Variants in CDK7 observed in about 807,000 individuals in gnomAD.
CDK7 encodes the protein cyclin-dependent kinase 7.
Under a neutral mutation model 49.1 loss-of-function variants are expected in CDK7, and 25 were observed. That is an observed-to-expected ratio of 0.51 (90% CI 0.37 to 0.71). The LOEUF (loss-of-function observed/expected upper bound fraction) is 0.71, where lower values mean the gene tolerates loss of function less well. Ranked by LOEUF, CDK7 falls within the 30% of genes least tolerant of loss-of-function variation. CDK7 has a pLI of 0.00. For synonymous variants in CDK7, 107 were observed against 140.0 expected, an observed-to-expected ratio of 0.76 and a Z score of 1.67; for missense variants, 316 against 411.7, an observed-to-expected ratio of 0.77 and a Z score of 2.01.
intron 6 of CDK7, among the ~76,000 whole-genome samples, chr5:69,258,432 T>A (rs1053684184): frequency 5.5e-5 from 8 of 144,894 alleles, no homozygotes; most frequent in African/African-American, 2.1e-4. Context: ...CAGGCTGGAG[T>A]GCAGTGGCGC....
chr5:69,255,404 T>A, intron 4 of CDK7, 56 bp from the exon 5 acceptor site: 2 of 990,454 alleles, frequency 2.0e-6, no homozygotes, highest in Non-Finnish European at 3.0e-6. Flanking sequence ...CCTCAGTTGC[T>A]ATGATACTGT....
At chr5:69,267,919 A>C (rs144194643) in intron 8 of CDK7, among the ~76,000 whole-genome samples, 17 of 152,316 alleles carry the variant, frequency 1.1e-4, no homozygotes, top group African/African-American at 3.6e-4. Flanking sequence ...GAAAATTAGC[A>C]TGTCTAAAAA....
At chr5:69,235,619 C>CTT in intron 2 of CDK7, 166 bp downstream of exon 2, 1 of 629,298 alleles carries the variant, frequency 1.6e-6, no homozygotes, top group East Asian at 2.8e-5. Flanking sequence ...AAACGGAACT[C>CTT]TAGGGTTGAA....
chr5:69,255,826 C>CTT (rs200870478), intron 5 of CDK7: 1,160 of 254,736 alleles, frequency 4.6e-3, no homozygotes, highest in South Asian at 0.014. Flanking sequence ...GATTTGTTTG[C>CTT]TTTTTTTTTT....
At chr5:69,261,448 T>G (rs72767861) in intron 7 of CDK7, among the ~76,000 whole-genome samples, 23,174 of 151,468 alleles carry the variant, frequency 0.15, 1,915 homozygotes, top group African/African-American at 0.21. Context: ...AAGAGCAGTT[T>G]TGATGGAATG....
intron 8 of CDK7, among the ~76,000 whole-genome samples, chr5:69,266,944 AG>A (rs1751195231): frequency 1.3e-5 from 2 of 152,132 alleles, no homozygotes; most frequent in African/African-American, 2.4e-5. Flanking sequence ...CAAAAATGAG[AG>A]GGAGATGATG....
intron 10 of CDK7, among the ~76,000 whole-genome samples, chr5:69,275,676 T>G (rs1253475896): frequency 6.6e-6 from 1 of 152,180 alleles, no homozygotes; most frequent in Non-Finnish European, 1.5e-5. Context: ...TAAAAATATT[T>G]TATAAAATTA....
At chr5:69,249,067 T>C (rs6874496) in intron 2 of CDK7, among the ~76,000 whole-genome samples, 2,628 of 151,784 alleles carry the variant, frequency 0.017, 85 homozygotes, top group African/African-American at 0.059. Flanking sequence ...CTTCTTTGCC[T>C]CTCTCTCTCT....
intron 2 of CDK7, among the ~76,000 whole-genome samples, chr5:69,250,174 T>G (rs1326651601): frequency 6.6e-6 from 1 of 152,260 alleles, no homozygotes; most frequent in Non-Finnish European, 1.5e-5. Context: ...AGGTATTTAT[T>G]ATAGTCTTCA....
At chr5:69,265,511 C>A (rs1416794004) in intron 8 of CDK7, among the ~76,000 whole-genome samples, 1 of 152,214 alleles carries the variant, frequency 6.6e-6, no homozygotes, top group African/African-American at 2.4e-5. Context: ...GCACTGGAAT[C>A]TGGAAGTGTT....
intron 2 of CDK7, among the ~76,000 whole-genome samples, chr5:69,247,478 G>T (rs1302765243): frequency 6.7e-6 from 1 of 148,838 alleles, no homozygotes; most frequent in Non-Finnish European, 1.5e-5. Flanking sequence ...TAGTTAAAGT[G>T]TGCTTCTTGT....
At chr5:69,241,787 C>G (rs1488452739) in intron 2 of CDK7, among the ~76,000 whole-genome samples, 3 of 151,950 alleles carry the variant, frequency 2.0e-5, no homozygotes, top group African/African-American at 7.3e-5. Context: ...GTTGTTTGAG[C>G]TTCTTATATA....
At chr5:69,251,407 G>T (rs981741839) in intron 2 of CDK7, among the ~76,000 whole-genome samples, 1 of 151,984 alleles carries the variant, frequency 6.6e-6, no homozygotes, top group Non-Finnish European at 1.5e-5. Context: ...CAATGCCCCA[G>T]TAACTTTTTA....
intron 8 of CDK7, among the ~76,000 whole-genome samples, chr5:69,267,292 C>CT (rs71612523): frequency 0.051 from 4,622 of 90,970 alleles, 567 homozygotes; most frequent in Non-Finnish European, 0.062. Context: ...ATAAGGATTC[C>CT]TTTTTTTTTT....
At chr5:69,270,351 A>G (rs760622676) in intron 9 of CDK7, among the ~76,000 whole-genome samples, 2 of 152,186 alleles carry the variant, frequency 1.3e-5, no homozygotes, top group Non-Finnish European at 2.9e-5. Context: ...AGGCTGAGGT[A>G]GGAGGATTGC....
chr5:69,237,101 G>A (rs928397026), intron 2 of CDK7, among the ~76,000 whole-genome samples: 3 of 151,128 alleles, frequency 2.0e-5, no homozygotes, highest in African/African-American at 7.3e-5. Flanking sequence ...TTCTTTTGTG[G>A]TGGCGGGGCA....
At chr5:69,255,735 G>A (rs1387599285) in intron 5 of CDK7, 12 of 553,832 alleles carry the variant, frequency 2.2e-5, no homozygotes, top group Non-Finnish European at 3.6e-5. Context: ...ACAAAGATTT[G>A]GATTTCATTG....
intron 2 of CDK7, among the ~76,000 whole-genome samples, chr5:69,246,198 G>T (rs536557166): frequency 1.3e-5 from 2 of 151,998 alleles, no homozygotes; most frequent in Admixed American, 1.3e-4. Context: ...GTGCAGTGGC[G>T]CGATCTTGGC....
At chr5:69,242,515 A>G (rs1306002148) in intron 2 of CDK7, among the ~76,000 whole-genome samples, 2 of 152,220 alleles carry the variant, frequency 1.3e-5, no homozygotes, top group East Asian at 1.9e-4. Context: ...GATGTTATCT[A>G]TAGGAGCAAT....
Sources: allele counts gnomAD v4.1 joint callset (sites outside exome capture counted in the v4.1 genomes callset), GRCh38; gene constraint gnomAD v4.1.1; transcripts MANE v1.5; gene names NCBI Gene and HGNC (gene_info 2026-07-23, HGNC 2026-07-21).